The following SOX13 variants were observed in gnomAD, a reference collection of about 807,000 sequenced individuals.
SOX13 encodes transcription factor SOX-13.
A neutral mutation model predicts 71.8 loss-of-function variants in SOX13; 28 were observed. That is an observed-to-expected ratio of 0.39 (90% confidence interval 0.29 to 0.53). The LOEUF is 0.53. Among genes scored for constraint, SOX13 ranks in the 20% least tolerant of loss-of-function variants. SOX13 has a pLI of 0.70. For synonymous variants in SOX13, 309 were observed against 317.8 expected (o/e 0.97, Z 0.29); for missense variants, 627 against 810.3 (o/e 0.77, Z 2.75).
At chr1:204,104,094 C>A (rs893957049) in intron 1 of SOX13, among the ~76,000 whole-genome samples, 8 of 152,228 alleles carry the variant, frequency 5.3e-5, no homozygotes, top group African/African-American at 1.9e-4. Flanking sequence ...GTCCCGGCAG[C>A]CACAGAAGCT....
At chr1:204,106,621 G>A (rs1656477083) in intron 1 of SOX13, among the ~76,000 whole-genome samples, 2 of 150,878 alleles carry the variant, frequency 1.3e-5, no homozygotes, top group South Asian at 4.2e-4. Context: ...CCAGGTTCAA[G>A]CAATTCTCCT....
Position 204,117,650 on chromosome 1 carries a change from C to T in SOX13, c.718C>T (p.Pro240Ser), listed in dbSNP as rs376348030. ...PAFPPSHQPLPVTPDSQLALP... is the reference protein window; with the variant it reads ...PAFPPSHQPLSVTPDSQLALP... ...CTTCCCCCCAAGCCACCAACCTCTG[C>T]CTGTCACCCCTGACTCCCAGCTGGC... is the stretch of plus-strand genomic sequence containing the variant. The change falls in exon 7 of 14, where the codon CCT (proline) becomes TCT (serine). Residue 240 changes from proline (P) to serine (S), a missense_variant. Transcript: ENST00000367204. The T allele has an allele frequency of 2.4e-4, 392 of 1,613,708 alleles. No homozygotes were observed. Among genetic ancestry groups the T allele is most frequent in the Admixed American group, 6.0e-4 (36 of 59,980 alleles).
chr1:204,083,287 G>C (rs557536705), intron 1 of SOX13, among the ~76,000 whole-genome samples: 1 of 152,270 alleles, frequency 6.6e-6, no homozygotes, highest in South Asian at 2.1e-4. Flanking sequence ...GGAGCCTCCT[G>C]ATTCCTGAGT....
At chr1:204,074,406 C>G (rs1446954104) in intron 1 of SOX13, 2 of 151,752 alleles carry the variant, frequency 1.3e-5, no homozygotes. Context: ...CTTTTCATCC[C>G]GATTCCGCTG....
rs561238976 is a variant in SOX13, at chr1:204,127,561, C to A, written c.*1427C>A. 6.8e-4 allele frequency: 104 copies of A among 152,824 alleles called. No homozygotes were observed. Among genetic ancestry groups the A allele is most frequent in the Non-Finnish European group, 9.5e-4 (65 of 68,070 alleles). 9.5% of individuals were successfully genotyped at this position (152,824 alleles called of 1,614,324 possible). On this transcript the variant is annotated 3_prime_UTR_variant, in exon 14 of 14. Transcript: ENST00000367204. The stretch of plus-strand genomic sequence containing the variant: ...GTCTGTGTCTGCCCCCGTCTTCTCT[C>A]CATCCTCAAAGCCCCCACTTCTCTC...
At chr1:204,118,852 T>G (rs1362987715) in intron 7 of SOX13, 2 of 152,132 alleles carry the variant, frequency 1.3e-5, no homozygotes, top group Non-Finnish European at 2.9e-5. Flanking sequence ...CATGTGAACA[T>G]TTGAGAAGTG....
chr1:204,106,934 T>G (rs1656482703), intron 1 of SOX13, among the ~76,000 whole-genome samples: 1 of 152,222 alleles, frequency 6.6e-6, no homozygotes, highest in South Asian at 2.1e-4. Flanking sequence ...TAACAGGAGA[T>G]TCACCTCTTG....
rs1289798102 is a variant in SOX13 at position 204,073,593 on chromosome 1, C to T, written c.-120C>T. On this transcript the variant is annotated 5_prime_UTR_variant, in exon 1 of 14. Coordinates refer to ENST00000367204, the MANE Select transcript of SOX13 (RefSeq NM_005686.3). The surrounding 1 kb of genome is among the most constrained non-coding windows in gnomAD (Gnocchi z 6.8). ...AGCCTCCCCAACCCGGCCCGCCCGC[C>T]GCGTCGCGGGGGCATGTGAGCGGGA... 1 of 151,750 alleles carries T rather than the reference C, an allele frequency of 6.6e-6. No homozygotes were observed. Among genetic ancestry groups the T allele is most frequent in the African/African-American group, 2.4e-5 (1 of 41,350 alleles). The allele number at this position is 151,750 out of a possible 1,614,324, so 9.4% of individuals were successfully genotyped here.
chr1:204,096,580 C>G (rs1322164283), intron 1 of SOX13, among the ~76,000 whole-genome samples: 1 of 151,888 alleles, frequency 6.6e-6, no homozygotes, highest in African/African-American at 2.4e-5. Context: ...CCACACCTGG[C>G]TAATTTTTGT....
At chr1:204,110,682 C>T (rs1293847852) in intron 1 of SOX13, among the ~76,000 whole-genome samples, 1 of 152,014 alleles carries the variant, frequency 6.6e-6, no homozygotes, top group Non-Finnish European at 1.5e-5. Flanking sequence ...ATTTAAAATA[C>T]TCTACATGTA....
chr1:204,078,342 G>A (rs1655826379), intron 1 of SOX13, among the ~76,000 whole-genome samples: 1 of 152,276 alleles, frequency 6.6e-6, no homozygotes, highest in Admixed American at 6.5e-5. Context: ...TCCTTATTGG[G>A]CAGCTCCCCT....
chr1:204,095,992 G>A (rs1179625616), intron 1 of SOX13, among the ~76,000 whole-genome samples: 1 of 152,162 alleles, frequency 6.6e-6, no homozygotes, highest in East Asian at 1.9e-4. Context: ...TCGTAGATGT[G>A]TCAAGATTGC....
intron 1 of SOX13, among the ~76,000 whole-genome samples, chr1:204,096,204 T>C (rs1232755877): frequency 6.6e-6 from 1 of 150,812 alleles, no homozygotes; most frequent in East Asian, 2.0e-4. Flanking sequence ...GGACCCGCCA[T>C]CATATTTTTC....
rs1656230218 is a variant in SOX13, at chr1:204,095,281, T to C, written c.-1-17634T>C. On this transcript the variant is annotated intron_variant, in intron 1 of 13. Coordinates refer to ENST00000367204, the MANE Select transcript of SOX13 (RefSeq NM_005686.3). ...ACTGATTTTAGGGGAAGACTAAATC[T>C]CTTTCTCTATCCCCATCTTCTTGTC... is the stretch of plus-strand genomic sequence containing the variant. 2.6e-5 allele frequency among the ~76,000 whole-genome samples: 4 copies of C among 152,158 alleles called. No individual in the cohort carries two copies. The South Asian group carries it at 8.3e-4, about 32-fold the overall frequency.
chr1:204,090,152 G>T (rs1656112364), intron 1 of SOX13, among the ~76,000 whole-genome samples: 1 of 152,158 alleles, frequency 6.6e-6, no homozygotes, highest in Non-Finnish European at 1.5e-5. Flanking sequence ...GGTTGTTGAA[G>T]GGCAGATTCA....
At position 204,125,988 on chromosome 1, in the gene SOX13, G is replaced by A. The variant is rs780830027; in HGVS notation, c.1723G>A (p.Val575Ile). ...RSLDPNMPVI[V>I]NTCSLREEGE... is the part of the protein sequence containing the mutation. Reference sequence around the variant, plus strand: ...CCTGGACCCCAACATGCCTGTGATCGTCAACACCTGCAGCCTCAGAGAGGA... The same window carrying A: ...CCTGGACCCCAACATGCCTGTGATCATCAACACCTGCAGCCTCAGAGAGGA... Residue 575 changes from valine (V) to isoleucine (I), a missense_variant, in exon 14 of 14, where the codon GTC becomes ATC. Val to Ile is a conservative substitution (Grantham distance 29). Around this residue, in one of 3 missense-constraint regions of SOX13, gnomAD observed 148 missense variants for 192.7 expected, o/e 0.77. Transcript: ENST00000367204. The A allele has an allele frequency of 1.6e-5, 26 of 1,613,840 alleles. No homozygotes were observed. Among genetic ancestry groups the A allele is most frequent in the South Asian group, 3.3e-5 (3 of 91,090 alleles).
Position 204,124,867 on chromosome 1 carries a change from C to G in SOX13, c.1592+10C>G, listed in dbSNP as rs767794705. ...AGAGCTACGTGATCCCGTGAGCAGGCCCCCCCGCAGGCAGCCAGGAGACTG... is the reference window on the plus strand; with the variant it reads ...AGAGCTACGTGATCCCGTGAGCAGGGCCCCCCGCAGGCAGCCAGGAGACTG... On this transcript the variant is annotated intron_variant, in intron 13 of 13. Coordinates refer to ENST00000367204, the MANE Select transcript of SOX13 (RefSeq NM_005686.3). 3 of 1,540,998 alleles carry G rather than the reference C, an allele frequency of 1.9e-6. No individual in the cohort carries two copies. Among genetic ancestry groups the G allele is most frequent in the Non-Finnish European group, 2.6e-6 (3 of 1,136,634 alleles).
At chr1:204,090,086 C>G (rs1043053210) in intron 1 of SOX13, among the ~76,000 whole-genome samples, 2 of 152,116 alleles carry the variant, frequency 1.3e-5, no homozygotes, top group African/African-American at 4.8e-5. Context: ...AGAGTGAACC[C>G]TTCGGTAGTG....
intron 1 of SOX13, among the ~76,000 whole-genome samples, chr1:204,089,201 C>T (rs1328767291): frequency 6.6e-6 from 1 of 152,008 alleles, no homozygotes; most frequent in Non-Finnish European, 1.5e-5. Context: ...GGGGAAGAGG[C>T]TGGACAGGAA....
Sources: allele counts gnomAD v4.1 joint callset (sites outside exome capture counted in the v4.1 genomes callset), GRCh38; gene constraint gnomAD v4.1.1; regional missense constraint gnomAD v4.1.1; non-coding constraint Gnocchi (gnomAD v3.1); transcripts MANE v1.5; gene names NCBI Gene and HGNC (gene_info 2026-07-23, HGNC 2026-07-21).